GUCY1A2: variants seen among roughly 807,000 people sequenced by gnomAD.
GUCY1A2 encodes guanylate cyclase soluble subunit alpha-2.
In GUCY1A2, 27 loss-of-function variants were observed where a neutral mutation model predicts 63.5. The observed-to-expected ratio is 0.43, with a 90% CI of 0.31 to 0.59. GUCY1A2 has a LOEUF of 0.59. GUCY1A2 is among the 20% of genes least tolerant of loss of function. The pLI, the probability that GUCY1A2 is intolerant of heterozygous loss-of-function variation, is 0.11. For missense variants in GUCY1A2, 768 were observed against 913.3 expected (o/e 0.84, Z 2.05); for synonymous variants, 364 against 343.5 (o/e 1.06, Z -0.66).
intron 7 of GUCY1A2, among the ~76,000 whole-genome samples, chr11:106,697,736 TGA>T (rs1565260769): frequency 6.6e-6 from 1 of 152,226 alleles, no homozygotes; most frequent in Non-Finnish European, 1.5e-5. Flanking sequence ...GCATTAATTC[TGA>T]GAGTGAATAA....
intron 2 of GUCY1A2, among the ~76,000 whole-genome samples, chr11:106,981,564 A>T (rs1375784020): frequency 6.6e-6 from 1 of 152,130 alleles, no homozygotes; most frequent in African/African-American, 2.4e-5. Context: ...TAGTGAGTGA[A>T]CACTATATCT....
At chr11:107,015,677 T>A (rs893068418) in intron 1 of GUCY1A2, among the ~76,000 whole-genome samples, 8 of 150,320 alleles carry the variant, frequency 5.3e-5, no homozygotes, top group African/African-American at 2.0e-4. Context: ...AAGAATCTGT[T>A]GTACTAAATA....
chr11:106,993,557 T>C (rs1336318504), intron 1 of GUCY1A2, among the ~76,000 whole-genome samples: 1 of 152,032 alleles, frequency 6.6e-6, no homozygotes, highest in Non-Finnish European at 1.5e-5. Flanking sequence ...GACTGCAAAT[T>C]AAATATAGAA....
chr11:106,744,497 A>ATT (rs1490374879), intron 6 of GUCY1A2, among the ~76,000 whole-genome samples: 1 of 152,150 alleles, frequency 6.6e-6, no homozygotes, highest in Non-Finnish European at 1.5e-5. Context: ...TTCCCAAAGA[A>ATT]TTTAACTTTT....
intron 6 of GUCY1A2, among the ~76,000 whole-genome samples, chr11:106,770,932 C>G (rs921994203): frequency 1.3e-5 from 2 of 151,222 alleles, no homozygotes; most frequent in Admixed American, 1.3e-4. Flanking sequence ...CATGATTACA[C>G]ATTGTTTAAC....
At chr11:106,690,618 G>A (rs1157995024) in intron 7 of GUCY1A2, among the ~76,000 whole-genome samples, 4 of 152,058 alleles carry the variant, frequency 2.6e-5, no homozygotes, top group African/African-American at 9.7e-5. Context: ...TCTGTACAAC[G>A]AACCCCCATG....
intron 5 of GUCY1A2, among the ~76,000 whole-genome samples, chr11:106,779,784 A>G (rs1024818501): frequency 6.6e-6 from 1 of 152,234 alleles, no homozygotes; most frequent in African/African-American, 2.4e-5. Context: ...TAGAAAAGTT[A>G]GACCAATATG....
At chr11:106,984,762 G>A (rs1249179208) in intron 2 of GUCY1A2, among the ~76,000 whole-genome samples, 1 of 152,140 alleles carries the variant, frequency 6.6e-6, no homozygotes, top group African/African-American at 2.4e-5. Flanking sequence ...TACTTGGAAA[G>A]CGGCAAATTC....
chr11:106,757,167 G>A (rs1863989882), intron 6 of GUCY1A2, among the ~76,000 whole-genome samples: 1 of 152,058 alleles, frequency 6.6e-6, no homozygotes, highest in Admixed American at 6.6e-5. Context: ...TATACTTCAT[G>A]AAGTTCTTGT....
At chr11:106,746,109 A>C (rs1216247969) in intron 6 of GUCY1A2, among the ~76,000 whole-genome samples, 1 of 152,174 alleles carries the variant, frequency 6.6e-6, no homozygotes. Context: ...CCATGAATGA[A>C]AGCCACTGGA....
chr11:106,968,701 C>T (rs958967082), intron 3 of GUCY1A2, among the ~76,000 whole-genome samples: 1 of 8,640 alleles, frequency 1.2e-4, no homozygotes, highest in South Asian at 2.3e-3. Flanking sequence ...CCTTTTCTAC[C>T]TGGGAAATGA....
intron 1 of GUCY1A2, among the ~76,000 whole-genome samples, chr11:107,011,901 G>A (rs1861751426): frequency 6.6e-6 from 1 of 152,000 alleles, no homozygotes; most frequent in Non-Finnish European, 1.5e-5. Flanking sequence ...CACTATCAAG[G>A]CCTTTGAACA....
chr11:106,722,358 C>G (rs112950470), intron 6 of GUCY1A2, among the ~76,000 whole-genome samples: 4 of 151,722 alleles, frequency 2.6e-5, no homozygotes, highest in Non-Finnish European at 5.9e-5. Context: ...TTGAGATCCT[C>G]CCAAATTTAG....
In GUCY1A2 at chr11:106,776,468, C is replaced by A. The variant is rs774941160; in HGVS notation, c.1807G>T (p.Val603Leu). 2.5e-6 allele frequency: 4 copies of A among 1,613,910 alleles called. No individual in the cohort carries two copies. The highest frequency in any genetic ancestry group is 1.7e-5 in the Admixed American group (1 of 60,026). The change falls in exon 6 of 8, where the codon GTG (valine) becomes TTG (leucine). Residue 603 changes from valine (V) to leucine (L), a missense_variant. Val to Leu is a conservative substitution (Grantham distance 32). Around this residue, in one of 3 missense-constraint regions of GUCY1A2, gnomAD observed 150 missense variants for 188.3 expected, o/e 0.80. Coordinates refer to ENST00000526355, the MANE Select transcript of GUCY1A2 (RefSeq NM_000855.3). ...ALKMMELSEE[V>L]LTPDGRPIQM... Reference sequence around the variant, plus strand: ...ATCGGTCTTCCATCAGGTGTCAGCACCTCTTCTGAAAGTTCCATCATCTTC... The same window carrying A: ...ATCGGTCTTCCATCAGGTGTCAGCAACTCTTCTGAAAGTTCCATCATCTTC...
intron 6 of GUCY1A2, among the ~76,000 whole-genome samples, chr11:106,726,433 A>T (rs888756877): frequency 6.6e-6 from 1 of 152,108 alleles, no homozygotes; most frequent in Non-Finnish European, 1.5e-5. Flanking sequence ...AAACAAAAAC[A>T]AAAACCACAG....
At chr11:106,851,506 C>T (rs1228510981) in intron 4 of GUCY1A2, among the ~76,000 whole-genome samples, 1 of 151,844 alleles carries the variant, frequency 6.6e-6, no homozygotes, top group African/African-American at 2.4e-5. Context: ...GCATTTACTC[C>T]ATCTTGAGTT....
intron 3 of GUCY1A2, among the ~76,000 whole-genome samples, chr11:106,968,448 A>G (rs1861153817): frequency 6.6e-6 from 1 of 152,178 alleles, no homozygotes; most frequent in Non-Finnish European, 1.5e-5. Flanking sequence ...ATATTTTCAG[A>G]GTTGGTTTTT....
intron 6 of GUCY1A2, among the ~76,000 whole-genome samples, chr11:106,717,573 G>GA (rs1863237512): frequency 6.6e-6 from 1 of 152,102 alleles, no homozygotes; most frequent in South Asian, 2.1e-4. Flanking sequence ...GTCTATAATA[G>GA]AAAAAGAAGA....
chr11:106,891,188 T>G (rs1859968538), intron 4 of GUCY1A2, among the ~76,000 whole-genome samples: 1 of 152,180 alleles, frequency 6.6e-6, no homozygotes, highest in African/African-American at 2.4e-5. Flanking sequence ...TATGTCACTG[T>G]GGTTTTAATT....
Sources: gnomAD v4.1 joint callset for allele counts (sites outside exome capture counted in the v4.1 genomes callset) on GRCh38, gnomAD v4.1.1 for gene constraint, gnomAD v4.1.1 regional missense constraint, MANE v1.5 for transcripts, NCBI Gene and HGNC (gene_info 2026-07-23, HGNC 2026-07-21) for gene names.